The following RUNX1 variants were observed in gnomAD, a reference collection of about 807,000 sequenced individuals.
The protein encoded by RUNX1 is RUNX family transcription factor 1.
A neutral mutation model predicts 42.8 loss-of-function variants in RUNX1; 19 were observed. The ratio of observed to expected loss-of-function variants is 0.44; its 90% confidence interval spans 0.31 to 0.65. The LOEUF (loss-of-function observed/expected upper bound fraction) is 0.65. Among genes scored for constraint, RUNX1 ranks in the 30% least tolerant of loss-of-function variants. The pLI is 0.07. For synonymous variants in RUNX1, 271 were observed against 289.4 expected (o/e 0.94, Z 0.64); for missense variants, 528 against 672.0 (o/e 0.79, Z 2.37).
intron 5 of RUNX1, among the ~76,000 whole-genome samples, chr21:34,879,329 T>C (rs1334194583): frequency 6.6e-6 from 1 of 152,190 alleles, no homozygotes; most frequent in African/African-American, 2.4e-5. Flanking sequence ...ACTATGAATA[T>C]ATATTTTCAA....
intron 8 of RUNX1, among the ~76,000 whole-genome samples, chr21:34,794,859 G>A (rs1408362875): frequency 1.3e-5 from 2 of 152,182 alleles, no homozygotes; most frequent in Admixed American, 6.5e-5. Flanking sequence ...TTAGGTGTTA[G>A]TAGCATCGCC....
At chr21:34,891,872 T>C (rs1456919159) in intron 3 of RUNX1, among the ~76,000 whole-genome samples, 3 of 152,160 alleles carry the variant, frequency 2.0e-5, no homozygotes, top group Admixed American at 6.5e-5. Context: ...GCTTGGTTAG[T>C]TGGAAGAAAA....
intron 6 of RUNX1, among the ~76,000 whole-genome samples, chr21:34,855,069 C>T (rs752175374): frequency 2.6e-5 from 4 of 152,158 alleles, no homozygotes; most frequent in African/African-American, 7.2e-5. Context: ...ATGGCCAATA[C>T]GTTAATTAAC....
At chr21:34,835,816 G>C (rs1909399503) in intron 6 of RUNX1, among the ~76,000 whole-genome samples, 1 of 152,160 alleles carries the variant, frequency 6.6e-6, no homozygotes, top group African/African-American at 2.4e-5. Flanking sequence ...CACATGCCCT[G>C]ACCCAATCCT....
chr21:35,015,272 TG>T (rs2059151639), intron 2 of RUNX1, among the ~76,000 whole-genome samples: 1 of 152,178 alleles, frequency 6.6e-6, no homozygotes, highest in African/African-American at 2.4e-5. Flanking sequence ...TGGTAATATA[TG>T]GGAAGTGCTT....
At chr21:34,840,361 T>C in intron 6 of RUNX1, among the ~76,000 whole-genome samples, 1 of 152,214 alleles carries the variant, frequency 6.6e-6, no homozygotes, top group Non-Finnish European at 1.5e-5. Flanking sequence ...GCGTTAAGAA[T>C]TCTCCATTCT....
chr21:34,817,467 G>T (rs1479065787), intron 7 of RUNX1, among the ~76,000 whole-genome samples: 1 of 152,166 alleles, frequency 6.6e-6, no homozygotes, highest in Non-Finnish European at 1.5e-5. Context: ...CAGCAATGGG[G>T]CTTAGTGCTT....
intron 2 of RUNX1, among the ~76,000 whole-genome samples, chr21:35,021,580 A>C (rs1346016957): frequency 6.6e-6 from 1 of 152,214 alleles, no homozygotes; most frequent in Non-Finnish European, 1.5e-5. Context: ...TGAGAAATAA[A>C]CCCCTGAAAT....
intron 6 of RUNX1, among the ~76,000 whole-genome samples, chr21:34,855,026 T>C: frequency 6.6e-6 from 1 of 152,180 alleles, no homozygotes; most frequent in East Asian, 1.9e-4. Context: ...AAAGACTCCT[T>C]TAACCTGGGG....
At chr21:34,811,599 G>A (rs1170269112) in intron 7 of RUNX1, among the ~76,000 whole-genome samples, 4 of 152,154 alleles carry the variant, frequency 2.6e-5, no homozygotes, top group African/African-American at 9.7e-5. Context: ...TTACAACTAG[G>A]AAGTCTCTGA....
At chr21:35,004,884 T>C (rs896347273) in intron 2 of RUNX1, among the ~76,000 whole-genome samples, 3 of 152,218 alleles carry the variant, frequency 2.0e-5, no homozygotes, top group Non-Finnish European at 4.4e-5. Flanking sequence ...AACATGGATG[T>C]GGTGCCCATG....
chr21:34,913,523 C>T lies in RUNX1; in HGVS notation c.59-20560G>A, dbSNP rs148570649. Among the ~76,000 whole-genome samples the T allele has an allele frequency of 2.0e-3, 304 of 152,308 alleles. 1 individual carries two copies. Among genetic ancestry groups the T allele is most frequent in the Middle Eastern group, 3.4e-3 (1 of 294 alleles). On this transcript the variant is annotated intron_variant, in intron 2 of 8. Coordinates refer to ENST00000675419, the MANE Select transcript of RUNX1 (RefSeq NM_001754.5). ...AGCCTTCTGCGTCAGCTGGACACCA[C>T]ACGTCTTAAGCCTCGTCACCTTCTC...
At chr21:35,017,641 TG>T (rs1569152666) in intron 2 of RUNX1, among the ~76,000 whole-genome samples, 1 of 151,950 alleles carries the variant, frequency 6.6e-6, no homozygotes, top group African/African-American at 2.4e-5. Context: ...GCAGGGAACG[TG>T]GGAACTCTAA....
At position 34,792,652 on chromosome 21, in the gene RUNX1, G is replaced by A. The variant is rs2056463715; in HGVS notation, c.968-42C>T. 6.6e-7 allele frequency: 1 copy of A among 1,519,062 alleles called. No individual in the cohort carries two copies. Among genetic ancestry groups the A allele is most frequent in the Middle Eastern group, 1.7e-4 (1 of 5,848 alleles). The allele number at this position is 1,519,062 out of a possible 1,614,324, so 94.1% of individuals were successfully genotyped here. ...AGAACGGAGCGGAAGTGAGTAGGAGGTTGCGGAGGCCACAGCTCTTCCCTC... is the reference window on the plus strand; with the variant it reads ...AGAACGGAGCGGAAGTGAGTAGGAGATTGCGGAGGCCACAGCTCTTCCCTC... On this transcript the variant is annotated intron_variant, in intron 8 of 8. Transcript: ENST00000675419. This position sits in a 1 kb window ranked among gnomAD's most constrained non-coding sequence, Gnocchi z 6.9.
At chr21:35,001,774 G>A (rs1188863180) in intron 2 of RUNX1, among the ~76,000 whole-genome samples, 2 of 152,178 alleles carry the variant, frequency 1.3e-5, no homozygotes, top group East Asian at 3.9e-4. Flanking sequence ...AAATCTGTTC[G>A]ATATAATAAG....
intron 2 of RUNX1, among the ~76,000 whole-genome samples, chr21:35,037,565 T>C (rs2059317879): frequency 6.6e-6 from 1 of 152,214 alleles, no homozygotes; most frequent in Non-Finnish European, 1.5e-5. Context: ...AACACCGACC[T>C]GTCCCCTCCA....
At chr21:34,865,279 C>CGTGTGT (rs61238560) in intron 5 of RUNX1, among the ~76,000 whole-genome samples, 4,640 of 132,414 alleles carry the variant, frequency 0.035, 112 homozygotes, top group Non-Finnish European at 0.047. Context: ...GGGTTTTGTG[C>CGTGTGT]GTGTGTGTGT....
chr21:34,964,437 G>A (rs909095399), intron 2 of RUNX1, among the ~76,000 whole-genome samples: 5 of 149,868 alleles, frequency 3.3e-5, no homozygotes, highest in Middle Eastern at 6.9e-3. Context: ...GCAGTGAGCC[G>A]AGATTGCACC....
chr21:35,025,635 G>T (rs909706975), intron 2 of RUNX1, among the ~76,000 whole-genome samples: 1 of 152,058 alleles, frequency 6.6e-6, no homozygotes, highest in Non-Finnish European at 1.5e-5. Flanking sequence ...CAAAATATAC[G>T]GGTCTCTATA....
Sources: gnomAD v4.1 joint callset for allele counts (sites outside exome capture counted in the v4.1 genomes callset) on GRCh38, gnomAD v4.1.1 for gene constraint, Gnocchi (gnomAD v3.1) non-coding constraint, MANE v1.5 for transcripts, NCBI Gene and HGNC (gene_info 2026-07-23, HGNC 2026-07-21) for gene names.